Variants in CDH12 observed in about 807,000 individuals in gnomAD.
CDH12 encodes cadherin-12.
A neutral mutation model predicts 74.1 loss-of-function variants in CDH12; 41 were observed. The ratio of observed to expected loss-of-function variants is 0.55; its 90% CI spans 0.43 to 0.72. The LOEUF (loss-of-function observed/expected upper bound fraction) is 0.72. Ranked by LOEUF, CDH12 falls within the 30% of genes least tolerant of loss-of-function variation. The probability of loss-of-function intolerance (pLI) is 0.00; values close to 1 mark genes in which losing one functional copy is unlikely to be tolerated. For missense variants in CDH12, 945 were observed against 977.2 expected (o/e 0.97, Z 0.44); for synonymous variants, 399 against 355.0 (o/e 1.12, Z -1.39).
intron 8 of CDH12, among the ~76,000 whole-genome samples, chr5:21,840,067 A>C (rs1272318650): frequency 6.6e-6 from 1 of 152,198 alleles, no homozygotes; most frequent in Non-Finnish European, 1.5e-5. Flanking sequence ...ATAACTAGTC[A>C]GAACTAAAGT....
chr5:22,217,339 C>T (rs1554021601), intron 3 of CDH12, among the ~76,000 whole-genome samples: 5 of 151,628 alleles, frequency 3.3e-5, no homozygotes, highest in Non-Finnish European at 4.4e-5. Context: ...GTAAAGGTAA[C>T]TTAATTAAAA....
intron 3 of CDH12, among the ~76,000 whole-genome samples, chr5:22,240,491 T>A (rs938469735): frequency 6.6e-6 from 1 of 152,162 alleles, no homozygotes; most frequent in African/African-American, 2.4e-5. Flanking sequence ...AAAATTTGAA[T>A]CATTTTTGGG....
chr5:21,916,300 C>A (rs1754090514), intron 6 of CDH12, among the ~76,000 whole-genome samples: 1 of 152,050 alleles, frequency 6.6e-6, no homozygotes. Context: ...TAATTAGGAA[C>A]TTAAGGTAAG....
At chr5:21,756,863 C>G (rs1744426866) in intron 13 of CDH12, among the ~76,000 whole-genome samples, 2 of 152,118 alleles carry the variant, frequency 1.3e-5, no homozygotes, top group Non-Finnish European at 2.9e-5. Flanking sequence ...ACTTTAAATT[C>G]AACCACTGAA....
At chr5:22,016,181 G>C (rs1034647397) in intron 5 of CDH12, among the ~76,000 whole-genome samples, 2 of 152,146 alleles carry the variant, frequency 1.3e-5, no homozygotes, top group South Asian at 2.1e-4. Context: ...CATCATGATA[G>C]CTTCCTCAAA....
chr5:22,306,853 A>C (rs1322987450), intron 3 of CDH12, among the ~76,000 whole-genome samples: 1 of 152,242 alleles, frequency 6.6e-6, no homozygotes, highest in Non-Finnish European at 1.5e-5. Context: ...TCTACATTAA[A>C]GATCTTACAG....
intron 4 of CDH12, among the ~76,000 whole-genome samples, chr5:22,202,175 C>CTTCCT (rs1432807268): frequency 7.3e-6 from 1 of 136,542 alleles, no homozygotes; most frequent in Non-Finnish European, 1.6e-5. Context: ...TCCTCCCTTC[C>CTTCCT]TTCCTTCCTT....
chr5:22,562,951 T>C (rs961037816), intron 1 of CDH12, among the ~76,000 whole-genome samples: 13 of 147,882 alleles, frequency 8.8e-5, no homozygotes, highest in African/African-American at 3.2e-4. Context: ...TAAATATTTA[T>C]ATTTTATATA....
At chr5:21,775,475 T>G (rs996346246) in intron 11 of CDH12, among the ~76,000 whole-genome samples, 2 of 152,102 alleles carry the variant, frequency 1.3e-5, no homozygotes, top group African/African-American at 4.8e-5. Flanking sequence ...TCACAAGTCT[T>G]TTAAGGCTCT....
At chr5:22,063,655 G>A (rs576081190) in intron 5 of CDH12, among the ~76,000 whole-genome samples, 3 of 151,352 alleles carry the variant, frequency 2.0e-5, no homozygotes, top group Non-Finnish European at 4.4e-5. Context: ...AGTTTTGCTG[G>A]TCCAGGGTAC....
At position 21,884,910 on chromosome 5, in the gene CDH12, A is replaced by C. The variant is rs1395774669; in HGVS notation, c.527-30120T>G. Among the ~76,000 whole-genome samples, 5 of 152,132 alleles carry C rather than the reference A, an allele frequency of 3.3e-5. No homozygotes were observed. The East Asian group carries it at 9.7e-4, about 29-fold the overall frequency. ...CTTGTTTGCTTGTTTGTTGAGATGGAGTTTCACTCTTGTTGCTCAGGCTGG... is the reference window on the plus strand; with the variant it reads ...CTTGTTTGCTTGTTTGTTGAGATGGCGTTTCACTCTTGTTGCTCAGGCTGG... On this transcript the variant is annotated intron_variant, in intron 6 of 14. Coordinates refer to ENST00000382254, the MANE Select transcript of CDH12 (RefSeq NM_004061.5).
chr5:22,692,486 G>C (rs1379990636), intron 1 of CDH12, among the ~76,000 whole-genome samples: 1 of 151,890 alleles, frequency 6.6e-6, no homozygotes, highest in Admixed American at 6.6e-5. Context: ...TGGTGAGCGG[G>C]AATGTTAGGT....
intron 1 of CDH12, among the ~76,000 whole-genome samples, chr5:22,777,059 T>C (rs1198804803): frequency 6.6e-6 from 1 of 152,102 alleles, no homozygotes; most frequent in Non-Finnish European, 1.5e-5. Flanking sequence ...CTTTTATCAT[T>C]GTGGTGTCCT....
rs72744823 is a variant in CDH12, at chr5:22,347,316, G to A, written c.-333+57941C>T. On this transcript the variant is annotated intron_variant, in intron 3 of 14. Transcript: ENST00000382254. The stretch of plus-strand genomic sequence containing the variant: ...CTAGGATAAAAGCAGGCAAAAGAAC[G>A]TGGAAGGATCTGACTGGCTAAGTCT... 8.4e-3 allele frequency among the ~76,000 whole-genome samples: 1,279 copies of A among 152,230 alleles called. 16 individuals carry two copies. Among genetic ancestry groups the A allele is most frequent in the African/African-American group, 0.029 (1,220 of 41,542 alleles).
intron 6 of CDH12, among the ~76,000 whole-genome samples, chr5:21,917,379 T>A (rs1349445670): frequency 6.6e-6 from 1 of 152,200 alleles, no homozygotes; most frequent in Non-Finnish European, 1.5e-5. Flanking sequence ...CTAGTCAAAG[T>A]TACTACAGTT....
chr5:22,480,197 T>C (rs1245845600), intron 2 of CDH12, among the ~76,000 whole-genome samples: 1 of 152,196 alleles, frequency 6.6e-6, no homozygotes, highest in East Asian at 1.9e-4. Context: ...CTAAGTTATT[T>C]TTAGGACATC....
intron 5 of CDH12, among the ~76,000 whole-genome samples, chr5:22,025,198 G>A (rs1040880760): frequency 6.6e-6 from 1 of 152,040 alleles, no homozygotes; most frequent in African/African-American, 2.4e-5. Context: ...TCTAGCCATG[G>A]CTAACACAAA....
intron 5 of CDH12, among the ~76,000 whole-genome samples, chr5:22,053,300 C>A (rs1203806623): frequency 6.6e-6 from 1 of 152,026 alleles, no homozygotes; most frequent in Non-Finnish European, 1.5e-5. Flanking sequence ...CAAGTTATAA[C>A]CCATTCAACT....
chr5:22,822,973 G>A (rs1196743986), intron 1 of CDH12, among the ~76,000 whole-genome samples: 5 of 151,980 alleles, frequency 3.3e-5, no homozygotes, highest in African/African-American at 7.3e-5. Context: ...GCAAAGACTT[G>A]GAACCAACCC....
Sources: allele counts gnomAD v4.1 joint callset (sites outside exome capture counted in the v4.1 genomes callset), GRCh38; gene constraint gnomAD v4.1.1; transcripts MANE v1.5; gene names NCBI Gene and HGNC (gene_info 2026-07-23, HGNC 2026-07-21).